The following RBM17 variants were observed in gnomAD, a reference collection of about 807,000 sequenced individuals.
RBM17 encodes the protein RNA binding motif protein 17.
A neutral mutation model predicts 53.2 loss-of-function variants in RBM17; 7 were observed. The ratio of observed to expected loss-of-function variants is 0.13; its 90% CI spans 0.07 to 0.25. RBM17 has a LOEUF of 0.25. Among genes scored for constraint, RBM17 ranks in the 10% least tolerant of loss-of-function variants. RBM17 has a pLI of 1.00. For missense variants in RBM17, 257 were observed against 496.7 expected, an observed-to-expected ratio of 0.52 and a Z score of 4.59; for synonymous variants, 167 against 178.1, an observed-to-expected ratio of 0.94 and a Z score of 0.50.
At position 6,091,021 on chromosome 10, in the gene RBM17, TTATA is replaced by T. The variant is rs1394973556; in HGVS notation, c.-19+1834_-19+1837del. On this transcript the variant is annotated intron_variant, in intron 1 of 11. Transcript: ENST00000379888. ...TATAAATATATAAATATTTATATAT[TTATA>T]TATATTTATATATTTTTATATATAT... Among the ~76,000 whole-genome samples, 678 of 123,732 alleles carry T rather than the reference TTATA, an allele frequency of 5.5e-3. 4 individuals carry two copies. The highest frequency in any genetic ancestry group is 0.019 in the African/African-American group (630 of 33,530). The allele number at this position is 123,732 out of a possible 152,430, so 81.2% of individuals were successfully genotyped here.
In RBM17 at chr10:6,101,344, G is replaced by A. The variant is rs377370168; in HGVS notation, c.197G>A (p.Arg66Gln). 6.2e-6 allele frequency: 10 copies of A among 1,613,512 alleles called. No individual in the cohort carries two copies. Among genetic ancestry groups the A allele is most frequent in the South Asian group, 1.1e-5 (1 of 90,998 alleles). ...DLKRGGSSDD[R>Q]QIVDTPPHVA... ...AAGCGAGGTGGCTCCTCAGATGACCGGCAAATTGTGGACACTCCACCGCAT... is the reference window on the plus strand; with the variant it reads ...AAGCGAGGTGGCTCCTCAGATGACCAGCAAATTGTGGACACTCCACCGCAT... Residue 66 changes from arginine to glutamine, a missense_variant, in exon 3 of 12, where the codon CGG becomes CAG. Transcript: ENST00000379888.
chr10:6,099,379 G>A (rs542589450), intron 2 of RBM17, among the ~76,000 whole-genome samples: 3 of 151,760 alleles, frequency 2.0e-5, no homozygotes, highest in South Asian at 4.2e-4. Context: ...TATTTATTTG[G>A]TAGAGAAAAT....
chr10:6,111,402 C>T (rs772063302), intron 7 of RBM17, among the ~76,000 whole-genome samples: 1 of 152,184 alleles, frequency 6.6e-6, no homozygotes, highest in Non-Finnish European at 1.5e-5. Flanking sequence ...TGCAGTGGTG[C>T]GATCTCGCCT....
chr10:6,095,989 G>A (rs536706133), intron 1 of RBM17, among the ~76,000 whole-genome samples: 33 of 152,202 alleles, frequency 2.2e-4, no homozygotes, highest in Non-Finnish European at 4.4e-4. Flanking sequence ...TCAATAACAC[G>A]GTTTCCATGG....
intron 1 of RBM17, among the ~76,000 whole-genome samples, chr10:6,092,341 A>G (rs1030993390): frequency 6.6e-6 from 1 of 152,218 alleles, no homozygotes; most frequent in Non-Finnish European, 1.5e-5. Flanking sequence ...TACTTATTAC[A>G]TTTCAGTAGT....
chr10:6,109,411 T>C (rs868346228), intron 6 of RBM17, among the ~76,000 whole-genome samples: 10 of 152,352 alleles, frequency 6.6e-5, no homozygotes, highest in Non-Finnish European at 1.2e-4. Flanking sequence ...GAAATACCTA[T>C]TATGTGAAAA....
intron 10 of RBM17, chr10:6,114,432 A>G (rs1280734634): frequency 3.2e-5 from 10 of 315,910 alleles, no homozygotes; most frequent in Non-Finnish European, 6.1e-5. Context: ...TTCCTTAGAC[A>G]TGCCTTTGGT....
chr10:6,115,092 A>C (rs756065058), intron 10 of RBM17, 147 bp from the exon 11 acceptor site: 1 of 673,212 alleles, frequency 1.5e-6, no homozygotes, highest in Non-Finnish European at 2.5e-6. Flanking sequence ...TGATGAACAA[A>C]TTATACTTAT....
chr10:6,114,176 A>ACAC (rs1453041352), intron 10 of RBM17, 29 bp downstream of exon 10: 5 of 1,350,134 alleles, frequency 3.7e-6, no homozygotes, highest in Non-Finnish European at 5.3e-6. Flanking sequence ...GATGTTTATA[A>ACAC]CACAAGTTGT....
chr10:6,104,716 ACT>A (rs1840721710), intron 3 of RBM17, among the ~76,000 whole-genome samples: 2 of 152,210 alleles, frequency 1.3e-5, no homozygotes, highest in South Asian at 4.1e-4. Context: ...TAGAAATAGT[ACT>A]AATCTAAGAG....
In RBM17 at chr10:6,106,323, A is replaced by C. The variant is rs116636263; in HGVS notation, c.505+85A>C. 713 of 878,820 alleles carry C rather than the reference A, an allele frequency of 8.1e-4. 6 individuals carry two copies. In the African/African-American group the frequency reaches 0.011, roughly 13 times the overall value. The allele number at this position is 878,820 out of a possible 1,614,324, so 54.4% of individuals were successfully genotyped here. A position where few individuals can be genotyped will look rare whatever the true frequency, so the allele number is the denominator to read the frequency against. ...TGTGCTTTTTCTTTTCAGTTTGATA[A>C]ATAGTTCATTTGACATTGATTTGGG... On this transcript the variant is annotated intron_variant, in intron 5 of 11. Transcript: ENST00000379888.
chr10:6,107,745 G>A (rs1352458376), intron 5 of RBM17, among the ~76,000 whole-genome samples: 1 of 152,062 alleles, frequency 6.6e-6, no homozygotes, highest in Non-Finnish European at 1.5e-5. Context: ...GCCTCTCAAA[G>A]TGCTGGGATT....
chr10:6,093,134 G>A (rs548736327), intron 1 of RBM17, among the ~76,000 whole-genome samples: 1 of 152,294 alleles, frequency 6.6e-6, no homozygotes, highest in African/African-American at 2.4e-5. Flanking sequence ...TGACTCTTCT[G>A]GGGAGGGTGA....
chr10:6,098,705 A>G (rs11256718), intron 2 of RBM17, among the ~76,000 whole-genome samples: 5,327 of 151,476 alleles, frequency 0.035, 195 homozygotes, highest in East Asian at 0.18. Context: ...CCTCCTGAGT[A>G]ACTGGGACTA....
chr10:6,109,473 C>T (rs1840804538), intron 6 of RBM17, among the ~76,000 whole-genome samples: 2 of 152,188 alleles, frequency 1.3e-5, no homozygotes, highest in Non-Finnish European at 1.5e-5. Context: ...GAGTGGGGCT[C>T]AGGCATCTGG....
intron 5 of RBM17, among the ~76,000 whole-genome samples, chr10:6,107,058 A>G (rs1449262431): frequency 2.0e-5 from 3 of 152,268 alleles, no homozygotes; most frequent in Non-Finnish European, 1.5e-5. Context: ...TTCAAAGGAA[A>G]TAGAAGAAGG....
rs1173605143 is a variant in RBM17, at chr10:6,112,450, A to G, written c.856+89A>G. 6.7e-7 allele frequency: 1 copy of G among 1,501,238 alleles called. No homozygotes were observed. Among genetic ancestry groups the G allele is most frequent in the African/African-American group, 1.4e-5 (1 of 72,566 alleles). The allele number at this position is 1,501,238 out of a possible 1,614,324, so 93.0% of individuals were successfully genotyped here. On this transcript the variant is annotated intron_variant, in intron 8 of 11. Transcript: ENST00000379888. The surrounding 1 kb of genome is among the most constrained non-coding windows in gnomAD (Gnocchi z 4.4). The stretch of plus-strand genomic sequence containing the variant: ...CCAGTCTTGATCCTCATGTGTCAGC[A>G]GGGGGACAATGAGGCGTGTGGCCAG...
rs1196243705 is a variant in RBM17, at chr10:6,101,370, G to T, written c.223G>T (p.Val75Leu). 1 of 1,612,064 alleles carries T rather than the reference G, an allele frequency of 6.2e-7. No individual in the cohort carries two copies. ...DRQIVDTPPH[V>L]AAGLKDPVPS... The stretch of plus-strand genomic sequence containing the variant: ...GCAAATTGTGGACACTCCACCGCAT[G>T]TAGCAGCTGGGCTGAAGGTAAGCCC... The change falls in exon 3 of 12, where the codon GTA becomes TTA. Residue 75 changes from valine (V) to leucine (L), a missense_variant. Transcript: ENST00000379888.
intron 3 of RBM17, among the ~76,000 whole-genome samples, chr10:6,103,085 C>T (rs910562367): frequency 1.3e-5 from 2 of 152,166 alleles, no homozygotes; most frequent in Non-Finnish European, 2.9e-5. Flanking sequence ...AGCCACTGCA[C>T]CCGGCCCTCT....
Sources: gnomAD v4.1 joint callset for allele counts (sites outside exome capture counted in the v4.1 genomes callset) on GRCh38, gnomAD v4.1.1 for gene constraint, Gnocchi (gnomAD v3.1) non-coding constraint, MANE v1.5 for transcripts, NCBI Gene and HGNC (gene_info 2026-07-23, HGNC 2026-07-21) for gene names.